The following ADCY5 variants were observed in gnomAD, a reference collection of about 807,000 sequenced individuals.
The protein encoded by ADCY5 is adenylate cyclase 5.
ADCY5 carries 30 observed loss-of-function variants against 119.7 expected under a neutral mutation model. That is an observed-to-expected ratio of 0.25 (90% CI 0.19 to 0.34). The LOEUF (loss-of-function observed/expected upper bound fraction) is 0.34. Ranked by LOEUF, ADCY5 falls within the 10% of genes least tolerant of loss-of-function variation. The probability of loss-of-function intolerance (pLI) is 1.00; values close to 1 mark genes in which losing one functional copy is unlikely to be tolerated. For missense variants in ADCY5, 1,324 were observed against 1,775.2 expected, an observed-to-expected ratio of 0.75 and a Z score of 4.57; for synonymous variants, 753 against 762.2, an observed-to-expected ratio of 0.99 and a Z score of 0.20.
intron 1 of ADCY5, among the ~76,000 whole-genome samples, chr3:123,368,636 C>T (rs1281112701): frequency 6.6e-6 from 1 of 151,952 alleles, no homozygotes; most frequent in African/African-American, 2.4e-5. Flanking sequence ...CCTGTAGTTC[C>T]AGCTACTCGA....
chr3:123,406,237 C>T (rs1340039935), intron 1 of ADCY5, among the ~76,000 whole-genome samples: 1 of 152,176 alleles, frequency 6.6e-6, no homozygotes, highest in Non-Finnish European at 1.5e-5. Context: ...AATCCTAAAC[C>T]TGCTGACCCC....
chr3:123,425,659 T>C (rs1945391026), intron 1 of ADCY5, among the ~76,000 whole-genome samples: 1 of 152,004 alleles, frequency 6.6e-6, no homozygotes, highest in Admixed American at 6.6e-5. Context: ...CGCCACAGCC[T>C]CCCTCAGCTG....
chr3:123,395,590 GT>G (rs1473442276), intron 1 of ADCY5, among the ~76,000 whole-genome samples: 2 of 152,118 alleles, frequency 1.3e-5, no homozygotes, highest in Non-Finnish European at 2.9e-5. Flanking sequence ...GAAAACCCAT[GT>G]CAGCCAGGCA....
At chr3:123,432,915 C>A (rs6767514) in intron 1 of ADCY5, among the ~76,000 whole-genome samples, 6,006 of 152,212 alleles carry the variant, frequency 0.039, 495 homozygotes, top group East Asian at 0.35. Context: ...GGAAGAAGCA[C>A]CCAGAGGGAC....
intron 1 of ADCY5, chr3:123,367,850 A>G (rs140177931): frequency 1.3e-6 from 2 of 1,519,114 alleles, no homozygotes; most frequent in East Asian, 4.9e-5. Flanking sequence ...AGAATCCAGA[A>G]GAAAAAAAAA....
intron 1 of ADCY5, among the ~76,000 whole-genome samples, chr3:123,383,665 C>G (rs371558902): frequency 6.6e-6 from 1 of 151,894 alleles, no homozygotes; most frequent in African/African-American, 2.4e-5. Flanking sequence ...GCAACAGCGA[C>G]GGCTCCCTGT....
At chr3:123,290,215 G>A (rs766197983) in intron 18 of ADCY5, among the ~76,000 whole-genome samples, 2 of 152,122 alleles carry the variant, frequency 1.3e-5, no homozygotes, top group Non-Finnish European at 2.9e-5. Flanking sequence ...TGAAGACAAG[G>A]TCACTAGTCA....
chr3:123,412,864 C>CCCTAAATAG (rs2107626378), intron 1 of ADCY5, among the ~76,000 whole-genome samples: 1 of 152,196 alleles, frequency 6.6e-6, no homozygotes, highest in African/African-American at 2.4e-5. Context: ...TCAATGACTG[C>CCCTAAATAG]CCTAAATAGC....
At chr3:123,336,422 A>C (rs948977515) in intron 3 of ADCY5, among the ~76,000 whole-genome samples, 3 of 152,154 alleles carry the variant, frequency 2.0e-5, no homozygotes, top group African/African-American at 7.2e-5. Flanking sequence ...CTTGGCCAAC[A>C]CCAGTACTTC....
chr3:123,425,138 G>A (rs1460396601), intron 1 of ADCY5, among the ~76,000 whole-genome samples: 1 of 152,200 alleles, frequency 6.6e-6, no homozygotes, highest in East Asian at 1.9e-4. Flanking sequence ...TTATGGATGG[G>A]CAGGAAGCTG....
intron 1 of ADCY5, among the ~76,000 whole-genome samples, chr3:123,365,406 G>C (rs1393842377): frequency 6.6e-6 from 1 of 152,216 alleles, no homozygotes; most frequent in Non-Finnish European, 1.5e-5. Flanking sequence ...GATGCTAGAA[G>C]TAGAGAGACT....
chr3:123,370,987 C>T (rs12330631), intron 1 of ADCY5, among the ~76,000 whole-genome samples: 40,445 of 152,146 alleles, frequency 0.27, 6,629 homozygotes, highest in Non-Finnish European at 0.37. Flanking sequence ...CTGAGCAGTG[C>T]TCCTGACAAG....
chr3:123,308,489 T>A (rs531680972), intron 12 of ADCY5, among the ~76,000 whole-genome samples: 7 of 152,186 alleles, frequency 4.6e-5, no homozygotes, highest in Non-Finnish European at 7.3e-5. Flanking sequence ...AGAGAGTTCA[T>A]CTGTATGTCA....
chr3:123,412,816 C>CAA (rs551881505), intron 1 of ADCY5, among the ~76,000 whole-genome samples: 40 of 135,646 alleles, frequency 2.9e-4, no homozygotes, highest in African/African-American at 1.0e-3. Flanking sequence ...CAAACAATGA[C>CAA]AAAAAAAAAA....
At chr3:123,378,553 G>C (rs9868104) in intron 1 of ADCY5, among the ~76,000 whole-genome samples, 1 of 152,170 alleles carries the variant, frequency 6.6e-6, no homozygotes, top group Non-Finnish European at 1.5e-5. Context: ...TCCCACCTTA[G>C]TGCTCTGACC....
intron 12 of ADCY5, among the ~76,000 whole-genome samples, chr3:123,306,274 A>C (rs1243741409): frequency 3.3e-5 from 5 of 152,364 alleles, no homozygotes; most frequent in African/African-American, 1.2e-4. Flanking sequence ...GTTCCAAGAC[A>C]ATGGTGAAAG....
chr3:123,412,071 G>A (rs1945064156), intron 1 of ADCY5, among the ~76,000 whole-genome samples: 1 of 152,212 alleles, frequency 6.6e-6, no homozygotes, highest in African/African-American at 2.4e-5. Flanking sequence ...TTTTGAGAAG[G>A]TGCCAACAAG....
intron 8 of ADCY5, among the ~76,000 whole-genome samples, chr3:123,321,147 C>T (rs895232379): frequency 1.3e-5 from 2 of 152,138 alleles, no homozygotes; most frequent in Non-Finnish European, 1.5e-5. Context: ...AGATGGAAAT[C>T]GGGAATTGCT....
chr3:123,398,203 A>T (rs1464638161), intron 1 of ADCY5, among the ~76,000 whole-genome samples: 1 of 152,234 alleles, frequency 6.6e-6, no homozygotes, highest in African/African-American at 2.4e-5. Flanking sequence ...GCCAGCAATG[A>T]GGCCCCCACG....
Sources: allele counts gnomAD v4.1 joint callset (sites outside exome capture counted in the v4.1 genomes callset), GRCh38; gene constraint gnomAD v4.1.1; transcripts MANE v1.5; gene names NCBI Gene and HGNC (gene_info 2026-07-23, HGNC 2026-07-21).